GPD2: variants seen among roughly 807,000 people sequenced by gnomAD.
GPD2 encodes the protein glycerol-3-phosphate dehydrogenase, mitochondrial.
Under a neutral mutation model 82.4 loss-of-function variants are expected in GPD2, and 54 were observed. The observed-to-expected ratio is 0.66, with a 90% CI of 0.53 to 0.82. The LOEUF (loss-of-function observed/expected upper bound fraction) is 0.82. Ranked by LOEUF, GPD2 falls within the 40% of genes least tolerant of loss-of-function variation. GPD2 has a pLI of 0.00. For synonymous variants in GPD2, 288 were observed against 306.1 expected (o/e 0.94, Z 0.62); for missense variants, 748 against 896.2 (o/e 0.83, Z 2.11).
intron 13 of GPD2, among the ~76,000 whole-genome samples, chr2:156,576,859 A>AT (rs777853686): frequency 1.9e-4 from 29 of 152,278 alleles, no homozygotes; most frequent in Admixed American, 1.4e-3. Context: ...AAGGAGATGG[A>AT]TTTTGAACAA....
chr2:156,400,759 C>A, the GPD2 span, among the ~76,000 whole-genome samples: 2 of 152,208 alleles, frequency 1.3e-5, no homozygotes, highest in Non-Finnish European at 2.9e-5. Flanking sequence ...CAGAAATATG[C>A]TTTCGGCTGG....
At chr2:156,489,718 TC>T (rs1558924262) in intron 2 of GPD2, among the ~76,000 whole-genome samples, 1 of 28,818 alleles carries the variant, frequency 3.5e-5, no homozygotes, top group Non-Finnish European at 6.5e-5. Context: ...CTTCCTTCCT[TC>T]CTTCCTCCCT....
rs138036774 is a variant in GPD2 at position 156,474,471 on chromosome 2, G to A, written c.-8-1627G>A. On this transcript the variant is annotated intron_variant, in intron 1 of 16. Coordinates refer to ENST00000438166, the MANE Select transcript of GPD2 (RefSeq NM_000408.5). ...TTGTGAGCTATCAGTAGAATGTAAC[G>A]TGTGTTGTCCAGACAGGCCAGTGCT... Among the ~76,000 whole-genome samples the A allele has an allele frequency of 7.2e-3, 1,101 of 152,146 alleles. 18 individuals are homozygous for A. The highest frequency in any genetic ancestry group is 0.032 in the South Asian group (156 of 4,810).
chr2:156,436,102 T>C (rs1030967058), upstream of GPD2, among the ~76,000 whole-genome samples: 10 of 152,332 alleles, frequency 6.6e-5, no homozygotes, highest in East Asian at 3.9e-4. Context: ...GTCACGTTCA[T>C]TGGGCCACGG....
chr2:156,415,473 T>G, the GPD2 span, among the ~76,000 whole-genome samples: 1 of 152,106 alleles, frequency 6.6e-6, no homozygotes, highest in Non-Finnish European at 1.5e-5. Context: ...ATCATTCTTA[T>G]GCCTTTGTGT....
intron 9 of GPD2, among the ~76,000 whole-genome samples, chr2:156,563,953 A>G (rs1687267239): frequency 6.6e-6 from 1 of 152,144 alleles, no homozygotes; most frequent in South Asian, 2.1e-4. Flanking sequence ...ACATGCTACT[A>G]ATGGCTAGCG....
rs1214712513 is a variant in GPD2, at chr2:156,549,712, A to G, written c.766A>G (p.Thr256Ala). Residue 256 changes from threonine (T) to alanine (A), a missense_variant, in exon 7 of 17, where the codon ACA becomes GCA. This residue lies in a region of GPD2 where 692 missense variants were observed against 809.7 expected (regional missense o/e 0.85). Transcript: ENST00000438166. The stretch of plus-strand genomic sequence containing the variant: ...GGAGGTAGTGAGCTTGCTCAAGAAG[A>G]CAGACCCCCAGACAGGGAAAGTGCG... Reference protein sequence around the residue: ...YMEVVSLLKKTDPQTGKVRVS... With the variant: ...YMEVVSLLKKADPQTGKVRVS... The G allele has an allele frequency of 1.9e-6, 3 of 1,613,952 alleles. No homozygotes were observed. Among genetic ancestry groups the G allele is most frequent in the African/African-American group, 2.7e-5 (2 of 74,934 alleles).
chr2:156,522,050 C>T (rs1685428187), intron 6 of GPD2, among the ~76,000 whole-genome samples: 1 of 151,818 alleles, frequency 6.6e-6, no homozygotes, highest in African/African-American at 2.4e-5. Context: ...TTGACATGTA[C>T]CCCTAAGAAA....
intron 2 of GPD2, chr2:156,495,563 A>T (rs1684338579): frequency 2.2e-6 from 1 of 456,744 alleles, no homozygotes; most frequent in Non-Finnish European, 4.5e-6. Flanking sequence ...AAACTCTAGA[A>T]TATAGTTTTG....
chr2:156,528,669 A>ATGAG (rs965604537), intron 6 of GPD2, among the ~76,000 whole-genome samples: 1 of 138,418 alleles, frequency 7.2e-6, no homozygotes, highest in Non-Finnish European at 1.5e-5. Flanking sequence ...ATTCCCACCT[A>ATGAG]TGAGTGAGAA....
chr2:156,529,798 A>C (rs576950451), intron 6 of GPD2, among the ~76,000 whole-genome samples: 2,192 of 151,818 alleles, frequency 0.014, 28 homozygotes, highest in South Asian at 0.023. Flanking sequence ...ATTGATCTAT[A>C]TCTCTGTTTT....
At chr2:156,582,315 A>G (rs1688054273) in intron 16 of GPD2, among the ~76,000 whole-genome samples, 1 of 152,018 alleles carries the variant, frequency 6.6e-6, no homozygotes, top group Non-Finnish European at 1.5e-5. Context: ...AATGTAAATT[A>G]CGTTAAAAAG....
chr2:156,530,358 CGATCAT>C (rs1685800987), intron 6 of GPD2, among the ~76,000 whole-genome samples: 1 of 142,418 alleles, frequency 7.0e-6, no homozygotes, highest in South Asian at 2.3e-4. Flanking sequence ...TCTGGATATA[CGATCAT>C]GTCATCTGCA....
chr2:156,496,027 A>G lies in GPD2; in HGVS notation c.103-17A>G. 6.2e-7 allele frequency: 1 copy of G among 1,602,356 alleles called. No individual in the cohort carries two copies. Among genetic ancestry groups the G allele is most frequent in the Non-Finnish European group, 8.5e-7 (1 of 1,170,332 alleles). ...CATTCCAAATGGACAACTGAAAGTG[A>G]TCTGCTTTTACATCAGATGAACCTG... On this transcript the variant is annotated splice_polypyrimidine_tract_variant and intron_variant, in intron 2 of 16. Transcript: ENST00000438166.
intron 1 of GPD2, among the ~76,000 whole-genome samples, chr2:156,458,789 A>G (rs1010506738): frequency 3.9e-5 from 6 of 152,050 alleles, no homozygotes; most frequent in Admixed American, 1.3e-4. Context: ...TCTTTCTCTT[A>G]TATGCATGCA....
intron 8 of GPD2, among the ~76,000 whole-genome samples, chr2:156,555,245 C>T (rs549439498): frequency 1.3e-5 from 2 of 152,194 alleles, no homozygotes; most frequent in African/African-American, 4.8e-5. Context: ...CATATGTCTT[C>T]ACTTAAGCAG....
At chr2:156,452,779 T>C (rs531359632) in intron 1 of GPD2, among the ~76,000 whole-genome samples, 1 of 152,128 alleles carries the variant, frequency 6.6e-6, no homozygotes, top group South Asian at 2.1e-4. Flanking sequence ...ATAAAATTTC[T>C]GAAGAGCCAG....
chr2:156,437,857 T>C (rs1682006554), intron 1 of GPD2, among the ~76,000 whole-genome samples: 1 of 152,254 alleles, frequency 6.6e-6, no homozygotes, highest in South Asian at 2.1e-4. Flanking sequence ...CCACCCCCTT[T>C]AGTTTTTTTT....
intron 1 of GPD2, among the ~76,000 whole-genome samples, chr2:156,462,020 T>C (rs896612299): frequency 4.6e-5 from 7 of 152,244 alleles, no homozygotes; most frequent in Admixed American, 2.0e-4. Flanking sequence ...TTGGTATGTT[T>C]TCAATAAGCC....
Sources: gnomAD v4.1 joint callset for allele counts (sites outside exome capture counted in the v4.1 genomes callset) on GRCh38, gnomAD v4.1.1 for gene constraint, gnomAD v4.1.1 regional missense constraint, MANE v1.5 for transcripts, NCBI Gene and HGNC (gene_info 2026-07-23, HGNC 2026-07-21) for gene names.